CELF6: variants seen among roughly 807,000 people sequenced by gnomAD.
CELF6 encodes the protein Bruno -like 6, RNA binding protein.
Under a neutral mutation model 53.1 loss-of-function variants are expected in CELF6, and 32 were observed. The observed-to-expected ratio is 0.60, with a 90% CI of 0.46 to 0.81. CELF6 has a LOEUF of 0.81. CELF6 is among the 30% of genes least tolerant of loss of function. The pLI is 0.00. For missense variants in CELF6, 539 were observed against 669.5 expected (o/e 0.81, Z 2.15); for synonymous variants, 291 against 288.8 (o/e 1.01, Z -0.08).
Position 72,316,737 on chromosome 15 carries a change from C to T in CELF6, c.263-810G>A, listed in dbSNP as rs188061567. On this transcript the variant is annotated intron_variant, in intron 1 of 12. Transcript: ENST00000287202. ...AGCCTGCTAGGAAGCACTGAAGCAG[C>T]ACTCTCCTCCTTTCCAACAGCCACT... Among the ~76,000 whole-genome samples, 34 of 152,326 alleles carry T rather than the reference C, an allele frequency of 2.2e-4. No homozygotes were observed. In the East Asian group the frequency reaches 5.2e-3, roughly 23 times the overall value.
Position 72,319,509 on chromosome 15 carries a change from G to A in CELF6, c.262+104C>T, listed in dbSNP as rs1177712850. 1.0e-5 allele frequency: 13 copies of A among 1,278,818 alleles called. No homozygotes were observed. The East Asian group carries it at 3.4e-4, about 33-fold the overall frequency. The allele number at this position is 1,278,818 out of a possible 1,614,324, so 79.2% of individuals were successfully genotyped here. ...GCTGAGGTGGGGCTGATATTGGACTGGTGTTGGACTGGCTCTCGGCAGGGC... is the reference window on the plus strand; with the variant it reads ...GCTGAGGTGGGGCTGATATTGGACTAGTGTTGGACTGGCTCTCGGCAGGGC... On this transcript the variant is annotated intron_variant, in intron 1 of 12. Transcript: ENST00000287202. This position sits in a 1 kb window ranked among gnomAD's most constrained non-coding sequence, Gnocchi z 5.0.
At chr15:72,287,480 C>T (rs1595773007) in intron 11 of CELF6, 88 bp from the exon 12 acceptor site, 16 of 1,505,294 alleles carry the variant, frequency 1.1e-5, no homozygotes, top group East Asian at 2.3e-5. Flanking sequence ...CTTCCAGCCC[C>T]GTCAGGCCAG....
intron 2 of CELF6, among the ~76,000 whole-genome samples, chr15:72,309,878 G>A (rs979562282): frequency 6.6e-6 from 1 of 152,176 alleles, no homozygotes; most frequent in Non-Finnish European, 1.5e-5. Context: ...TTCCCAGGTG[G>A]AGTCCAGGCC....
intron 3 of CELF6, among the ~76,000 whole-genome samples, chr15:72,290,572 CAT>C (rs1449404886): frequency 6.6e-6 from 1 of 152,176 alleles, no homozygotes; most frequent in African/African-American, 2.4e-5. Context: ...CATTGTTTTA[CAT>C]GTTTGACCTT....
chr15:72,308,854 C>T (rs2088263397), intron 2 of CELF6, among the ~76,000 whole-genome samples: 1 of 151,966 alleles, frequency 6.6e-6, no homozygotes, highest in Non-Finnish European at 1.5e-5. Context: ...TACAGACACC[C>T]ACCACCATGC....
In CELF6 at chr15:72,289,382, G is replaced by A. The variant is rs974465424; in HGVS notation, c.873C>T (p.Pro291=). 2 of 1,553,668 alleles carry A rather than the reference G, an allele frequency of 1.3e-6. No homozygotes were observed. Among genetic ancestry groups the A allele is most frequent in the Non-Finnish European group, 8.6e-7 (1 of 1,158,144 alleles). The change falls in exon 7 of 13, where the codon CCC becomes CCT. Residue 291 remains proline (P), a synonymous_variant. Transcript: ENST00000287202. This position sits in a 1 kb window ranked among gnomAD's most constrained non-coding sequence, Gnocchi z 7.6. Reference sequence around the variant, plus strand: ...AGTCCCTGGGGGCCGTACCTGCCGCGGGCAACAGAGGCGCAGCTACCAGGC... The same window carrying A: ...AGTCCCTGGGGGCCGTACCTGCCGCAGGCAACAGAGGCGCAGCTACCAGGC... The part of the protein sequence containing the change: ...AFSLVAAPLL[P]AAAANSPPGS...
At chr15:72,317,637 A>C (rs892359475) in intron 1 of CELF6, among the ~76,000 whole-genome samples, 1 of 152,116 alleles carries the variant, frequency 6.6e-6, no homozygotes, top group Non-Finnish European at 1.5e-5. Flanking sequence ...TGGGGAGAGG[A>C]TGAGGAAGAT....
In CELF6 at chr15:72,288,965, G is replaced by T; in HGVS notation, c.1031-35C>A. 2 of 1,536,992 alleles carry T rather than the reference G, an allele frequency of 1.3e-6. No homozygotes were observed. Among genetic ancestry groups the T allele is most frequent in the Non-Finnish European group, 1.8e-6 (2 of 1,135,856 alleles). ...GAGGGGCGCGAGGCCCACAGTGAAG[G>T]CAAGCGGGCGAGCAGAGTGGGTGAG... On this transcript the variant is annotated intron_variant, in intron 8 of 12. Coordinates refer to ENST00000287202, the MANE Select transcript of CELF6 (RefSeq NM_052840.5). The surrounding 1 kb of genome is among the most constrained non-coding windows in gnomAD (Gnocchi z 4.6).
intron 3 of CELF6, among the ~76,000 whole-genome samples, chr15:72,300,077 G>A (rs377240734): frequency 6.4e-4 from 97 of 152,268 alleles, no homozygotes; most frequent in African/African-American, 2.2e-3. Context: ...AACAGGGGCC[G>A]GGCACGGTGG....
In CELF6 at chr15:72,289,672, G is replaced by A. The variant is rs1288288791; in HGVS notation, c.702C>T (p.His234=). 6.0e-6 allele frequency: 9 copies of A among 1,499,312 alleles called. No homozygotes were observed. Among genetic ancestry groups the A allele is most frequent in the African/African-American group, 1.4e-5 (1 of 69,410 alleles). 92.9% of individuals were successfully genotyped at this position (1,499,312 alleles called of 1,614,324 possible). A position where few individuals can be genotyped will look rare whatever the true frequency, so the allele number is the denominator to read the frequency against. The change falls in exon 6 of 13, where the codon CAC becomes CAT. Residue 234 remains histidine, a synonymous_variant. Transcript: ENST00000287202. The surrounding 1 kb of genome is among the most constrained non-coding windows in gnomAD (Gnocchi z 7.6). ...AGGCCCCTAGCGGCAGTGGCGCGGG[G>A]TGGAAGGCGCCCAGGTGGCCGGCCA... ...QQMAGHLGAF[H]PAPLPLGACG...
chr15:72,290,965 AC>A (rs1050082794), intron 3 of CELF6, among the ~76,000 whole-genome samples: 1 of 151,840 alleles, frequency 6.6e-6, no homozygotes, highest in African/African-American at 2.4e-5. Context: ...TGAACCCCTG[AC>A]CCCTTTCCTT....
Position 72,319,475 on chromosome 15 carries a change from G to T in CELF6, c.262+138C>A. The T allele has an allele frequency of 1.1e-6, 1 of 914,734 alleles. No individual in the cohort carries two copies. Among genetic ancestry groups the T allele is most frequent in the Non-Finnish European group, 1.6e-6 (1 of 630,384 alleles). The allele number at this position is 914,734 out of a possible 1,614,324, so 56.7% of individuals were successfully genotyped here. Reference sequence around the variant, plus strand: ...GAGAGAAAATTCTGTGATCTGGGAAGGGGGCTGGGCTGAGGTGGGGCTGAT... The same window carrying T: ...GAGAGAAAATTCTGTGATCTGGGAATGGGGCTGGGCTGAGGTGGGGCTGAT... On this transcript the variant is annotated intron_variant, in intron 1 of 12. Coordinates refer to ENST00000287202, the MANE Select transcript of CELF6 (RefSeq NM_052840.5). The surrounding 1 kb of genome is among the most constrained non-coding windows in gnomAD (Gnocchi z 5.0).
rs573418461 is a variant in CELF6 at position 72,285,417 on chromosome 15, G to A, written c.*954C>T. 1 of 152,464 alleles carries A rather than the reference G, an allele frequency of 6.6e-6. No individual in the cohort carries two copies. The highest frequency in any genetic ancestry group is 1.5e-5 in the Non-Finnish European group (1 of 68,112). The allele number at this position is 152,464 out of a possible 1,614,324, so 9.4% of individuals were successfully genotyped here. On this transcript the variant is annotated 3_prime_UTR_variant, in exon 13 of 13. Transcript: ENST00000287202. The stretch of plus-strand genomic sequence containing the variant: ...GGCAAACTTAGACTAAGAGACAGAA[G>A]GTAGCCTGGAGCAAGGGGACACTGG...
chr15:72,302,634 C>T (rs144117714), intron 3 of CELF6, among the ~76,000 whole-genome samples: 78 of 152,280 alleles, frequency 5.1e-4, no homozygotes, highest in Admixed American at 1.2e-3. Flanking sequence ...CCCCTTTGTG[C>T]GGCTGCCCAA....
chr15:72,292,997 A>G (rs2141187862), intron 3 of CELF6, among the ~76,000 whole-genome samples: 1 of 152,338 alleles, frequency 6.6e-6, no homozygotes, highest in African/African-American at 2.4e-5. Flanking sequence ...ACTGCACTCC[A>G]GCCTGGGCGA....
chr15:72,289,478 C>A lies in CELF6; in HGVS notation c.777G>T (p.Ala259=), dbSNP rs983659356. 8 of 1,529,996 alleles carry A rather than the reference C, an allele frequency of 5.2e-6. No homozygotes were observed. The highest frequency in any genetic ancestry group is 7.0e-6 in the Non-Finnish European group (8 of 1,144,044). The allele number at this position is 1,529,996 out of a possible 1,614,324, so 94.8% of individuals were successfully genotyped here. ...AILQHQAALL[A]AAQGPGLGPV... is the part of the protein sequence containing the mutation. ...GGCCTAGGCCTGGGCCCTGTGCCGC[C>A]GCCAGCAGGGCCGCCTGGTGCTGCA... The change falls in exon 7 of 13, where the codon GCG becomes GCT. Residue 259 remains alanine (A), a synonymous_variant. Coordinates refer to ENST00000287202, the MANE Select transcript of CELF6 (RefSeq NM_052840.5). This position sits in a 1 kb window ranked among gnomAD's most constrained non-coding sequence, Gnocchi z 7.6.
chr15:72,289,875 C>T lies in CELF6; in HGVS notation c.603+64G>A. 6 of 1,522,314 alleles carry T rather than the reference C, an allele frequency of 3.9e-6. No individual in the cohort carries two copies. Among genetic ancestry groups the T allele is most frequent in the East Asian group, 2.5e-5 (1 of 40,696 alleles). The allele number at this position is 1,522,314 out of a possible 1,614,324, so 94.3% of individuals were successfully genotyped here. On this transcript the variant is annotated intron_variant, in intron 5 of 12. Coordinates refer to ENST00000287202, the MANE Select transcript of CELF6 (RefSeq NM_052840.5). This position sits in a 1 kb window ranked among gnomAD's most constrained non-coding sequence, Gnocchi z 7.6. ...CCTTTCGCGGGGCACCGAGCACACT[C>T]GGGGAGGAGAAGCCCGTCCCCACCC...
chr15:72,290,857 C>T (rs931828005), intron 3 of CELF6, among the ~76,000 whole-genome samples: 24 of 152,176 alleles, frequency 1.6e-4, no homozygotes, highest in African/African-American at 5.3e-4. Context: ...TTACCCTCTG[C>T]ACCACATCCA....
intron 2 of CELF6, among the ~76,000 whole-genome samples, chr15:72,311,064 C>T (rs1211539129): frequency 6.6e-6 from 1 of 152,214 alleles, no homozygotes; most frequent in Non-Finnish European, 1.5e-5. Flanking sequence ...AAAATATGAT[C>T]ATGATTCAGC....
Sources: allele counts gnomAD v4.1 joint callset (sites outside exome capture counted in the v4.1 genomes callset), GRCh38; gene constraint gnomAD v4.1.1; non-coding constraint Gnocchi (gnomAD v3.1); transcripts MANE v1.5; gene names NCBI Gene and HGNC (gene_info 2026-07-23, HGNC 2026-07-21).